Variants in ZNF808 observed in about 807,000 individuals in gnomAD.
ZNF808 encodes zinc finger protein 808.
A neutral mutation model predicts 8.7 loss-of-function variants in ZNF808; 5 were observed. The ratio of observed to expected loss-of-function variants is 0.58; its 90% CI spans 0.30 to 1.21. The LOEUF (loss-of-function observed/expected upper bound fraction) is 1.21, where lower values mean the gene tolerates loss of function less well. Ranked by LOEUF, ZNF808 falls within the 50% of genes most tolerant of loss-of-function variation. The probability of loss-of-function intolerance (pLI) is 0.07; values close to 1 mark genes in which losing one functional copy is unlikely to be tolerated. For synonymous variants in ZNF808, 380 were observed against 366.0 expected (o/e 1.04, Z -0.44); for missense variants, 1,103 against 1,098.4 (o/e 1.00, Z -0.06).
At chr19:52,541,824 T>A (rs1421284335) in intron 2 of ZNF808, among the ~76,000 whole-genome samples, 3 of 152,144 alleles carry the variant, frequency 2.0e-5, no homozygotes, top group African/African-American at 7.2e-5. Context: ...TACAATCCTG[T>A]GTCCAGTTGT....
At chr19:52,529,115 C>T (rs1311172380) in intron 1 of ZNF808, among the ~76,000 whole-genome samples, 1 of 151,868 alleles carries the variant, frequency 6.6e-6, no homozygotes, top group African/African-American at 2.4e-5. Context: ...GTGGCTCACG[C>T]CTGTAGTCTC....
At chr19:52,550,556 C>T (rs374766674) in intron 4 of ZNF808, among the ~76,000 whole-genome samples, 4 of 151,162 alleles carry the variant, frequency 2.6e-5, no homozygotes, top group Non-Finnish European at 5.9e-5. Context: ...ATGGAGTTTC[C>T]CTCTTGTTGC....
Position 52,554,361 on chromosome 19 carries a change from C to G in ZNF808, c.1445C>G (p.Thr482Ser). The G allele has an allele frequency of 6.2e-7, 1 of 1,613,842 alleles. No individual in the cohort carries two copies. Among genetic ancestry groups the G allele is most frequent in the Non-Finnish European group, 8.5e-7 (1 of 1,179,960 alleles). Residue 482 changes from threonine to serine, a missense_variant, in exon 5 of 5, where the codon ACT becomes AGT. Transcript: ENST00000359798. ...RHRRIHTGEKTYKCNECRKTF... is the reference protein window; with the variant it reads ...RHRRIHTGEKSYKCNECRKTF... Reference sequence around the variant, plus strand: ...AGAAGAATTCACACTGGAGAGAAAACTTACAAGTGTAATGAGTGTCGCAAG... The same window carrying G: ...AGAAGAATTCACACTGGAGAGAAAAGTTACAAGTGTAATGAGTGTCGCAAG...
chr19:52,566,516 C>G (rs1489227755), downstream of ZNF808, among the ~76,000 whole-genome samples: 1 of 152,124 alleles, frequency 6.6e-6, no homozygotes, highest in Non-Finnish European at 1.5e-5. Context: ...TTCTATATAA[C>G]TTTAGCTAAT....
Position 52,555,300 on chromosome 19 carries a change from T to G in ZNF808, c.2384T>G (p.Val795Gly). The change falls in exon 5 of 5, where the codon GTT becomes GGT. Residue 795 changes from valine (V) to glycine (G), a missense_variant. Transcript: ENST00000359798. The part of the protein sequence containing the change: ...HTGEKSYKCT[V>G]CDKAFVRNSY... ...GGAGAGAAATCTTACAAATGTACGG[T>G]TTGTGACAAGGCTTTCGTGCGTAAT... 6.2e-7 allele frequency: 1 copy of G among 1,614,050 alleles called. No homozygotes were observed. The highest frequency in any genetic ancestry group is 8.5e-7 in the Non-Finnish European group (1 of 1,179,992).
chr19:52,541,453 G>A (rs2608513), intron 2 of ZNF808, among the ~76,000 whole-genome samples: 32,476 of 151,664 alleles, frequency 0.21, 3,935 homozygotes, highest in East Asian at 0.51. Flanking sequence ...TCAGCCACAT[G>A]TCCTTCCTCC....
intron 3 of ZNF808, 54 bp from the exon 4 acceptor site, chr19:52,547,458 A>G: frequency 1.2e-6 from 2 of 1,609,758 alleles, no homozygotes; most frequent in Non-Finnish European, 1.7e-6. Context: ...TTTCCTGTGA[A>G]GGTGATAACT....
chr19:52,550,582 A>G (rs1174630096), intron 4 of ZNF808, among the ~76,000 whole-genome samples: 1 of 151,156 alleles, frequency 6.6e-6, no homozygotes, highest in Non-Finnish European at 1.5e-5. Context: ...CTGGAGTGCA[A>G]TGGTGCAATC....
downstream of ZNF808, among the ~76,000 whole-genome samples, chr19:52,559,893 G>A (rs896448323): frequency 1.3e-5 from 2 of 151,834 alleles, no homozygotes; most frequent in South Asian, 4.2e-4. Context: ...CGCTTGTAAC[G>A]GCATGATGTG....
At chr19:52,530,443 C>CATG (rs1365907659) in intron 1 of ZNF808, among the ~76,000 whole-genome samples, 1 of 151,540 alleles carries the variant, frequency 6.6e-6, no homozygotes, top group Admixed American at 6.6e-5. Flanking sequence ...GTGGGTGGAT[C>CATG]ATGAGGTCAG....
chr19:52,534,638 C>T (rs1418436827), intron 2 of ZNF808, among the ~76,000 whole-genome samples: 1 of 151,196 alleles, frequency 6.6e-6, no homozygotes, highest in Non-Finnish European at 1.5e-5. Context: ...GAGTGTAATC[C>T]CAGCACTTTG....
Position 52,554,709 on chromosome 19 carries a change from A to C in ZNF808, c.1793A>C (p.Glu598Ala). ...LHTGEKPYKC[E>A]ACDKVFGQKS... ...ACTGGAGAGAAACCTTACAAATGTG[A>C]AGCATGTGACAAAGTTTTTGGTCAG... Residue 598 changes from glutamate to alanine, a missense_variant, in exon 5 of 5, where the codon GAA becomes GCA. Physicochemically the swap from Glu to Ala is moderately radical, Grantham distance 107 (BLOSUM62 -1). Coordinates refer to ENST00000359798, the MANE Select transcript of ZNF808 (RefSeq NM_001039886.4). 1 of 1,613,946 alleles carries C rather than the reference A, an allele frequency of 6.2e-7. No individual in the cohort carries two copies. Among genetic ancestry groups the C allele is most frequent in the Non-Finnish European group, 8.5e-7 (1 of 1,179,920 alleles).
At chr19:52,543,150 C>T (rs1379197052) in intron 2 of ZNF808, 116 bp from the exon 3 acceptor site, 5 of 987,502 alleles carry the variant, frequency 5.1e-6, no homozygotes, top group African/African-American at 4.9e-5. Context: ...ATCTCTGGTG[C>T]AGTGGGCAGT....
chr19:52,566,332 A>C (rs2059872995), downstream of ZNF808, among the ~76,000 whole-genome samples: 1 of 151,954 alleles, frequency 6.6e-6, no homozygotes, highest in South Asian at 2.1e-4. Context: ...TGCCCGGCTA[A>C]TTCTTTTGTA....
At chr19:52,544,284 A>G (rs1160614794) in intron 3 of ZNF808, among the ~76,000 whole-genome samples, 1 of 152,140 alleles carries the variant, frequency 6.6e-6, no homozygotes, top group Non-Finnish European at 1.5e-5. Flanking sequence ...TAGCCTCCCA[A>G]AGAGCCTGAA....
intron 4 of ZNF808, among the ~76,000 whole-genome samples, chr19:52,551,666 G>A (rs1194648616): frequency 2.6e-5 from 4 of 151,842 alleles, no homozygotes; most frequent in Admixed American, 1.3e-4. Flanking sequence ...ATGGCTTTTC[G>A]GTATGTGGTA....
intron 3 of ZNF808, among the ~76,000 whole-genome samples, chr19:52,544,565 A>G (rs2059703190): frequency 6.6e-6 from 1 of 152,110 alleles, no homozygotes; most frequent in South Asian, 2.1e-4. Context: ...TCCTGACCTC[A>G]TGATCTGCCT....
At chr19:52,537,244 A>G (rs1211914154) in intron 2 of ZNF808, among the ~76,000 whole-genome samples, 1 of 152,098 alleles carries the variant, frequency 6.6e-6, no homozygotes, top group African/African-American at 2.4e-5. Flanking sequence ...GAAGAGGAGT[A>G]ATAGAGGGAA....
At chr19:52,531,373 G>A (rs2059560510) in intron 1 of ZNF808, among the ~76,000 whole-genome samples, 1 of 151,966 alleles carries the variant, frequency 6.6e-6, no homozygotes, top group Admixed American at 6.6e-5. Flanking sequence ...TACTCGGGAG[G>A]CTGAGGCAGG....
Sources: gnomAD v4.1 joint callset for allele counts (sites outside exome capture counted in the v4.1 genomes callset) on GRCh38, gnomAD v4.1.1 for gene constraint, MANE v1.5 for transcripts, NCBI Gene and HGNC (gene_info 2026-07-23, HGNC 2026-07-21) for gene names.